The following KDM3B variants were observed in gnomAD, a reference collection of about 807,000 sequenced individuals.
KDM3B encodes the protein lysine-specific demethylase 3B.
KDM3B carries 10 observed loss-of-function variants against 170.0 expected under a neutral mutation model. The observed-to-expected ratio is 0.06, with a 90% CI of 0.04 to 0.10. KDM3B has a LOEUF of 0.10. Ranked by LOEUF, KDM3B falls within the 10% of genes least tolerant of loss-of-function variation. KDM3B has a pLI of 1.00. For synonymous variants in KDM3B, 831 were observed against 834.8 expected, an observed-to-expected ratio of 1.00 and a Z score of 0.08; for missense variants, 1,394 against 2,195.2, an observed-to-expected ratio of 0.64 and a Z score of 7.29.
intron 23 of KDM3B, among the ~76,000 whole-genome samples, chr5:138,434,894 T>C (rs1239002136): frequency 6.6e-6 from 1 of 152,200 alleles, no homozygotes; most frequent in African/African-American, 2.4e-5. Context: ...TGACCCAGCT[T>C]AAGAAATTAT....
At chr5:138,357,862 G>A (rs764908600) in intron 1 of KDM3B, among the ~76,000 whole-genome samples, 9 of 151,628 alleles carry the variant, frequency 5.9e-5, no homozygotes, top group Non-Finnish European at 1.3e-4. Flanking sequence ...TGGGACTACA[G>A]GCATGCATGA....
intron 2 of KDM3B, among the ~76,000 whole-genome samples, chr5:138,374,524 C>CTGGGATT (rs1202974020): frequency 6.6e-6 from 1 of 152,200 alleles, no homozygotes; most frequent in Non-Finnish European, 1.5e-5. Flanking sequence ...TCCCAAAGTG[C>CTGGGATT]TGGGATTACA....
intron 7 of KDM3B, 34 bp from the exon 8 acceptor site, chr5:138,390,979 C>T: frequency 6.6e-7 from 1 of 1,512,070 alleles, no homozygotes; most frequent in Non-Finnish European, 8.9e-7. Context: ...TCATGAGAAG[C>T]CAGCATCACT....
chr5:138,389,589 A>G (rs1762371994), intron 7 of KDM3B, among the ~76,000 whole-genome samples: 1 of 152,196 alleles, frequency 6.6e-6, no homozygotes, highest in African/African-American at 2.4e-5. Context: ...AAAACTCCAT[A>G]TCCATTAAGT....
chr5:138,390,894 A>G lies in KDM3B; in HGVS notation c.1381-119A>G, dbSNP rs1004802006. On this transcript the variant is annotated intron_variant, in intron 7 of 23. Coordinates refer to ENST00000314358, the MANE Select transcript of KDM3B (RefSeq NM_016604.4). Reference sequence around the variant, plus strand: ...CAAGAGCAGATCCATGGAATTGTAAAAGAGAAAAGTTGATGGACCCCCAAG... The same window carrying G: ...CAAGAGCAGATCCATGGAATTGTAAGAGAGAAAAGTTGATGGACCCCCAAG... The G allele has an allele frequency of 3.2e-6, 3 of 946,472 alleles. No individual in the cohort carries two copies. The African/African-American group carries it at 5.0e-5, about 16-fold the overall frequency. The allele number at this position is 946,472 out of a possible 1,614,324, so 58.6% of individuals were successfully genotyped here. A position where few individuals can be genotyped will look rare whatever the true frequency, so the allele number is the denominator to read the frequency against.
At chr5:138,364,363 T>C (rs1359418071) in intron 1 of KDM3B, among the ~76,000 whole-genome samples, 1 of 152,220 alleles carries the variant, frequency 6.6e-6, no homozygotes, top group African/African-American at 2.4e-5. Context: ...GGAATTTGAA[T>C]GTAATCTTAT....
intron 1 of KDM3B, among the ~76,000 whole-genome samples, chr5:138,364,909 A>G (rs1561756921): frequency 6.6e-6 from 1 of 152,226 alleles, no homozygotes. Flanking sequence ...CATGTACTTC[A>G]CATTTAATTT....
At chr5:138,361,156 T>G (rs553161141) in intron 1 of KDM3B, among the ~76,000 whole-genome samples, 25 of 152,286 alleles carry the variant, frequency 1.6e-4, no homozygotes, top group African/African-American at 6.0e-4. Context: ...CTGTTGATGC[T>G]TCTCAGTTTT....
At chr5:138,379,465 A>G (rs1762075052) in intron 4 of KDM3B, 119 bp from the exon 5 acceptor site, 1 of 917,894 alleles carries the variant, frequency 1.1e-6, no homozygotes. Context: ...GTTCAGTTCT[A>G]TAAAAGAGGA....
At chr5:138,353,050 G>C (rs1309870338) in intron 1 of KDM3B, 63 bp downstream of exon 1, 1 of 1,173,382 alleles carries the variant, frequency 8.5e-7, no homozygotes, top group Non-Finnish European at 1.1e-6. Context: ...CGGCCTCCCC[G>C]GGGGCCTTTG....
chr5:138,431,713 T>A (rs993592049), intron 23 of KDM3B, among the ~76,000 whole-genome samples, 154 bp downstream of exon 23: 39 of 152,324 alleles, frequency 2.6e-4, no homozygotes, highest in African/African-American at 6.0e-4. Context: ...TATGGAGTCC[T>A]TTTAGGAAGC....
At chr5:138,409,617 G>A (rs965268952) in intron 11 of KDM3B, among the ~76,000 whole-genome samples, 4 of 152,094 alleles carry the variant, frequency 2.6e-5, no homozygotes, top group African/African-American at 9.7e-5. Context: ...CATATTTGTG[G>A]ATCCAAAGAT....
chr5:138,376,568 G>T (rs1053499308), intron 3 of KDM3B, among the ~76,000 whole-genome samples: 1 of 151,970 alleles, frequency 6.6e-6, no homozygotes, highest in Non-Finnish European at 1.5e-5. Context: ...GCTGGGTGTC[G>T]TGGTGGACGC....
At chr5:138,395,734 A>G (rs1489058816) in intron 9 of KDM3B, among the ~76,000 whole-genome samples, 1 of 151,906 alleles carries the variant, frequency 6.6e-6, no homozygotes, top group Non-Finnish European at 1.5e-5. Flanking sequence ...CTCCTGCCTC[A>G]GTCTCCTGAG....
At chr5:138,419,802 G>A (rs900894584) in intron 14 of KDM3B, among the ~76,000 whole-genome samples, 5 of 144,328 alleles carry the variant, frequency 3.5e-5, no homozygotes, top group Non-Finnish European at 7.5e-5. Flanking sequence ...CTTCTTTCTA[G>A]AAGTGGAACT....
chr5:138,429,266 G>A (rs1392489728), intron 20 of KDM3B, among the ~76,000 whole-genome samples: 18 of 152,066 alleles, frequency 1.2e-4, no homozygotes, highest in Admixed American at 1.0e-3. Context: ...TGGCCAGGCT[G>A]GGCTCGAACT....
chr5:138,428,314 C>T (rs555812391), intron 20 of KDM3B, among the ~76,000 whole-genome samples: 1 of 151,866 alleles, frequency 6.6e-6, no homozygotes, highest in South Asian at 2.1e-4. Context: ...CACGTTCAAG[C>T]GATTCTCCTG....
At chr5:138,358,142 C>T (rs1761500725) in intron 1 of KDM3B, among the ~76,000 whole-genome samples, 2 of 150,932 alleles carry the variant, frequency 1.3e-5, no homozygotes, top group African/African-American at 4.9e-5. Context: ...GGATTACAGG[C>T]GTCCACCACC....
At chr5:138,386,826 C>T (rs1244327380) in intron 7 of KDM3B, among the ~76,000 whole-genome samples, 1 of 152,194 alleles carries the variant, frequency 6.6e-6, no homozygotes, top group African/African-American at 2.4e-5. Context: ...GGCACCAGAA[C>T]AGTTGGGTGA....
Sources: allele counts gnomAD v4.1 joint callset (sites outside exome capture counted in the v4.1 genomes callset), GRCh38; gene constraint gnomAD v4.1.1; transcripts MANE v1.5; gene names NCBI Gene and HGNC (gene_info 2026-07-23, HGNC 2026-07-21).